The following SHTN1 variants were observed in gnomAD, a reference collection of about 807,000 sequenced individuals.
SHTN1 encodes shootin-1.
Under a neutral mutation model 83.1 loss-of-function variants are expected in SHTN1, and 42 were observed. The observed-to-expected ratio is 0.51, with a 90% confidence interval of 0.39 to 0.65. The LOEUF is 0.65. SHTN1 is among the 30% of genes least tolerant of loss of function. SHTN1 has a pLI of 0.00. For missense variants in SHTN1, 622 were observed against 737.8 expected (o/e 0.84, Z 1.82); for synonymous variants, 224 against 247.7 (o/e 0.90, Z 0.90).
At chr10:116,930,035 G>A (rs779038384) in intron 9 of SHTN1, 33 bp from the exon 10 acceptor site, 7 of 1,416,082 alleles carry the variant, frequency 4.9e-6, no homozygotes, top group Non-Finnish European at 6.7e-6. Context: ...AGACTTTTAT[G>A]GCTGACAGTT....
intron 2 of SHTN1, among the ~76,000 whole-genome samples, chr10:116,978,509 GC>G (rs1427423907): frequency 6.6e-6 from 1 of 151,720 alleles, no homozygotes; most frequent in Non-Finnish European, 1.5e-5. Flanking sequence ...TAGGCAGTCT[GC>G]TTTCTTTCCT....
At chr10:116,986,234 T>C (rs1851213794) in intron 1 of SHTN1, among the ~76,000 whole-genome samples, 2 of 152,040 alleles carry the variant, frequency 1.3e-5, no homozygotes, top group South Asian at 2.1e-4. Flanking sequence ...TAAAAACAAA[T>C]TGAAAATCAA....
intron 9 of SHTN1, among the ~76,000 whole-genome samples, chr10:116,932,409 T>A (rs557529413): frequency 5.3e-5 from 8 of 152,182 alleles, no homozygotes; most frequent in Non-Finnish European, 8.8e-5. Flanking sequence ...CCGCTCTTTA[T>A]GATAATCTAA....
chr10:116,942,630 G>C (rs547189932), intron 8 of SHTN1, among the ~76,000 whole-genome samples: 1 of 152,296 alleles, frequency 6.6e-6, no homozygotes, highest in South Asian at 2.1e-4. Context: ...GAACTAGCGG[G>C]AGTTAAGAAT....
chr10:117,113,817 A>G (rs1033967344), intron 1 of SHTN1, among the ~76,000 whole-genome samples: 1 of 152,190 alleles, frequency 6.6e-6, no homozygotes, highest in Non-Finnish European at 1.5e-5. Flanking sequence ...AGGCTGAGGC[A>G]GGTGGATCAT....
At chr10:116,967,980 A>G (rs1206356005) in intron 3 of SHTN1, among the ~76,000 whole-genome samples, 1 of 152,150 alleles carries the variant, frequency 6.6e-6, no homozygotes, top group Non-Finnish European at 1.5e-5. Flanking sequence ...TCAAGAGACC[A>G]GGACCATCCT....
intron 1 of SHTN1, among the ~76,000 whole-genome samples, chr10:117,073,381 T>A (rs1020043065): frequency 6.6e-6 from 1 of 152,212 alleles, no homozygotes; most frequent in Admixed American, 6.5e-5. Context: ...TTAATTCTCA[T>A]AATAACTCTA....
At chr10:116,886,594 A>T in intron 16 of SHTN1, 28 bp from the exon 17 acceptor site, 2 of 1,610,298 alleles carry the variant, frequency 1.2e-6, no homozygotes, top group Non-Finnish European at 1.7e-6. Flanking sequence ...AGACAAAAAA[A>T]GTAAAAAGCA....
chr10:117,108,854 G>A (rs1385272183), intron 1 of SHTN1, among the ~76,000 whole-genome samples: 1 of 152,106 alleles, frequency 6.6e-6, no homozygotes, highest in Non-Finnish European at 1.5e-5. Flanking sequence ...TTATAGACCT[G>A]GGTACATATG....
intron 12 of SHTN1, among the ~76,000 whole-genome samples, chr10:116,917,576 G>A (rs1390063374): frequency 1.3e-5 from 2 of 152,312 alleles, no homozygotes; most frequent in East Asian, 3.9e-4. Context: ...GAGCTGCATG[G>A]TGATAGGAAC....
rs906756163 is a variant in SHTN1 at position 117,054,906 on chromosome 10, C to T, written c.-188-6396G>A. 1.2e-4 allele frequency among the ~76,000 whole-genome samples: 18 copies of T among 152,178 alleles called. No homozygotes were observed. The Middle Eastern group carries it at 0.01, about 86-fold the overall frequency. ...TTTATGTCTTTGTCTATAACTCCTA[C>T]CTCCCTGAAATGTATAAAACTGTAT... On this transcript the variant is annotated intron_variant, in intron 1 of 17. Transcript: ENST00000392901.
At chr10:117,038,924 G>A (rs1329378098) in intron 2 of SHTN1, among the ~76,000 whole-genome samples, 1 of 152,212 alleles carries the variant, frequency 6.6e-6, no homozygotes, top group Admixed American at 6.5e-5. Context: ...CACTTTGGAA[G>A]ACGGTTTGGT....
rs149450546 is a variant in SHTN1, at chr10:117,116,426, G to C, written c.-189+9881C>G. ...AATGAGATGGAGGCCATAATAAAAAGTCTCCCATCAAAGAAAAGCCCTGAA... is the reference window on the plus strand; with the variant it reads ...AATGAGATGGAGGCCATAATAAAAACTCTCCCATCAAAGAAAAGCCCTGAA... On this transcript the variant is annotated intron_variant, in intron 1 of 17. Coordinates refer to the SHTN1 transcript ENST00000392901. Among the ~76,000 whole-genome samples the C allele has an allele frequency of 3.7e-3, 570 of 152,122 alleles. 4 individuals are homozygous for C. Among genetic ancestry groups the C allele is most frequent in the African/African-American group, 0.013 (539 of 41,512 alleles).
intron 14 of SHTN1, 110 bp from the exon 15 acceptor site, chr10:116,906,857 A>C (rs1452720525): frequency 3.4e-6 from 3 of 876,290 alleles, no homozygotes; most frequent in Non-Finnish European, 4.9e-6. Flanking sequence ...TGGAATTATG[A>C]AACAAAATGA....
At chr10:116,961,986 T>G (rs1261529721) in intron 3 of SHTN1, among the ~76,000 whole-genome samples, 1 of 152,092 alleles carries the variant, frequency 6.6e-6, no homozygotes, top group Non-Finnish European at 1.5e-5. Flanking sequence ...ACAATGGTCA[T>G]GTTGTCATCA....
At chr10:116,894,034 CAAT>C (rs1217270876) in intron 16 of SHTN1, among the ~76,000 whole-genome samples, 1 of 143,556 alleles carries the variant, frequency 7.0e-6, no homozygotes, top group Admixed American at 7.0e-5. Context: ...AGAGGTCAAA[CAAT>C]GATAAAAATC....
chr10:117,081,231 GT>G (rs1384992567), intron 1 of SHTN1, among the ~76,000 whole-genome samples: 1 of 151,946 alleles, frequency 6.6e-6, no homozygotes. Context: ...TTTATTGAGA[GT>G]TTTTAGCATG....
intron 2 of SHTN1, among the ~76,000 whole-genome samples, chr10:117,040,564 T>C (rs1422920122): frequency 6.6e-6 from 1 of 152,228 alleles, no homozygotes; most frequent in Non-Finnish European, 1.5e-5. Flanking sequence ...CATACTAATG[T>C]AAGATGCTAA....
intron 2 of SHTN1, among the ~76,000 whole-genome samples, chr10:117,046,212 CAT>C (rs1852661464): frequency 6.6e-6 from 1 of 151,988 alleles, no homozygotes; most frequent in African/African-American, 2.4e-5. Flanking sequence ...TATACCTAGA[CAT>C]ATACTCAAAC....
Sources: gnomAD v4.1 joint callset for allele counts (sites outside exome capture counted in the v4.1 genomes callset) on GRCh38, gnomAD v4.1.1 for gene constraint, MANE v1.5 for transcripts, NCBI Gene and HGNC (gene_info 2026-07-23, HGNC 2026-07-21) for gene names.